The following ATP8A2 variants were observed in gnomAD, a reference collection of about 807,000 sequenced individuals.
ATP8A2 encodes ATPase phospholipid transporting 8A2, also known as phospholipid-transporting ATPase IB.
A neutral mutation model predicts 165.6 loss-of-function variants in ATP8A2; 100 were observed. That is an observed-to-expected ratio of 0.60 (90% CI 0.51 to 0.71). The LOEUF is 0.71. Ranked by LOEUF, ATP8A2 falls within the 30% of genes least tolerant of loss-of-function variation. The pLI is 0.00. For missense variants in ATP8A2, 1,227 were observed against 1,479.5 expected (o/e 0.83, Z 2.80); for synonymous variants, 543 against 548.8 (o/e 0.99, Z 0.15).
chr13:25,990,603 G>A (rs1225074686), intron 35 of ATP8A2, among the ~76,000 whole-genome samples: 1 of 152,216 alleles, frequency 6.6e-6, no homozygotes, highest in African/African-American at 2.4e-5. Context: ...AGCACAGTAG[G>A]AAATAGCGTT....
chr13:25,394,687 A>G (rs1319522147), intron 1 of ATP8A2, among the ~76,000 whole-genome samples: 1 of 152,218 alleles, frequency 6.6e-6, no homozygotes, highest in Non-Finnish European at 1.5e-5. Context: ...GAAGGCAATT[A>G]AGAAACATCA....
rs1352856755 is a variant in ATP8A2, at chr13:25,372,408, G to A, written c.76+120G>A. On this transcript the variant is annotated intron_variant, in intron 1 of 36. Coordinates refer to ENST00000381655, the MANE Select transcript of ATP8A2 (RefSeq NM_016529.6). The surrounding 1 kb of genome is among the most constrained non-coding windows in gnomAD (Gnocchi z 4.8). ...CCGCTCCCCTCCCTGGGCTCCCTGGGCTCTCTGGGCTGCAGGATCCGCCGA... is the reference window on the plus strand; with the variant it reads ...CCGCTCCCCTCCCTGGGCTCCCTGGACTCTCTGGGCTGCAGGATCCGCCGA... The A allele has an allele frequency of 1.7e-5, 12 of 691,710 alleles. No homozygotes were observed. The highest frequency in any genetic ancestry group is 4.1e-5 in the South Asian group (1 of 24,388). 42.8% of individuals were successfully genotyped at this position (691,710 alleles called of 1,614,324 possible).
chr13:25,878,631 G>A (rs549687374), intron 33 of ATP8A2, among the ~76,000 whole-genome samples: 4 of 152,018 alleles, frequency 2.6e-5, no homozygotes, highest in African/African-American at 7.2e-5. Flanking sequence ...ATCTCATCCT[G>A]TGACTTAGAA....
intron 1 of ATP8A2, among the ~76,000 whole-genome samples, chr13:25,424,104 T>C (rs2138114628): frequency 6.6e-6 from 1 of 152,224 alleles, no homozygotes; most frequent in South Asian, 2.1e-4. Context: ...GTGTGGGAAA[T>C]AGAGCTGAGA....
At chr13:25,971,727 C>T (rs528651470) in intron 35 of ATP8A2, among the ~76,000 whole-genome samples, 118 of 152,124 alleles carry the variant, frequency 7.8e-4, no homozygotes, top group African/African-American at 2.8e-3. Context: ...TGACAGTCAC[C>T]GGGCCTCCAG....
intron 1 of ATP8A2, among the ~76,000 whole-genome samples, chr13:25,405,184 C>T (rs1379174345): frequency 6.6e-6 from 1 of 151,954 alleles, no homozygotes; most frequent in Non-Finnish European, 1.5e-5. Context: ...AGGACAGAGG[C>T]CTGATTACAG....
chr13:25,844,181 G>A (rs1322775096), intron 30 of ATP8A2, among the ~76,000 whole-genome samples: 1 of 152,076 alleles, frequency 6.6e-6, no homozygotes, highest in Non-Finnish European at 1.5e-5. Flanking sequence ...CTGACTGGAG[G>A]ACTTGTTTAT....
At chr13:25,607,606 A>C (rs1393091958) in intron 24 of ATP8A2, among the ~76,000 whole-genome samples, 1 of 152,240 alleles carries the variant, frequency 6.6e-6, no homozygotes, top group Non-Finnish European at 1.5e-5. Flanking sequence ...GTTCTTTACC[A>C]AAAGTTTAGT....
intron 24 of ATP8A2, among the ~76,000 whole-genome samples, chr13:25,638,164 G>A (rs960849322): frequency 9.2e-5 from 14 of 152,166 alleles, no homozygotes; most frequent in Admixed American, 6.5e-4. Context: ...GGAAAAAACA[G>A]AGCAGAAAAG....
chr13:25,754,066 T>C (rs2044210466), intron 25 of ATP8A2, among the ~76,000 whole-genome samples: 1 of 152,232 alleles, frequency 6.6e-6, no homozygotes, highest in South Asian at 2.1e-4. Context: ...AGCCCTGCCT[T>C]ATCACTGCGT....
At chr13:25,907,608 T>C (rs1953981480) in intron 33 of ATP8A2, among the ~76,000 whole-genome samples, 1 of 152,170 alleles carries the variant, frequency 6.6e-6, no homozygotes, top group African/African-American at 2.4e-5. Context: ...AAGGGTCCTT[T>C]CAACTGTAAA....
chr13:25,374,805 A>C (rs1252850555), intron 1 of ATP8A2, among the ~76,000 whole-genome samples: 1 of 152,186 alleles, frequency 6.6e-6, no homozygotes, highest in African/African-American at 2.4e-5. Flanking sequence ...ACAGGGGCAG[A>C]GGGCCTGACA....
intron 1 of ATP8A2, among the ~76,000 whole-genome samples, chr13:25,423,275 T>C (rs1386296936): frequency 6.6e-6 from 1 of 152,254 alleles, no homozygotes; most frequent in East Asian, 1.9e-4. Context: ...TTTCTCTTAA[T>C]GTATCTTTGA....
intron 33 of ATP8A2, among the ~76,000 whole-genome samples, chr13:25,876,665 A>G (rs1311744527): frequency 4.6e-5 from 7 of 152,242 alleles, no homozygotes; most frequent in Admixed American, 4.6e-4. Flanking sequence ...TGGGAAAAGT[A>G]ATTCTTAGAA....
At chr13:25,539,668 G>C (rs142375916) in intron 7 of ATP8A2, among the ~76,000 whole-genome samples, 6 of 152,296 alleles carry the variant, frequency 3.9e-5, no homozygotes, top group Non-Finnish European at 8.8e-5. Flanking sequence ...ACCTTAACTA[G>C]TGGTTTTTTA....
intron 25 of ATP8A2, among the ~76,000 whole-genome samples, chr13:25,702,523 G>A (rs1320577391): frequency 6.6e-6 from 1 of 152,176 alleles, no homozygotes; most frequent in Non-Finnish European, 1.5e-5. Flanking sequence ...GTGTAAACTG[G>A]TCCAGTCCAA....
chr13:25,831,530 T>A (rs1951469658), intron 28 of ATP8A2, among the ~76,000 whole-genome samples: 1 of 152,124 alleles, frequency 6.6e-6, no homozygotes, highest in Admixed American at 6.5e-5. Flanking sequence ...CTAATTTTCA[T>A]AACAAGTTAA....
rs1387782463 is a variant in ATP8A2, at chr13:25,682,318, G to C, written c.2212-16855G>C. ...CTCTGCAAACACCTTATAGTTTTGA[G>C]AGATGATAATCAGGCATAAAATCCT... On this transcript the variant is annotated intron_variant, in intron 24 of 36. Transcript: ENST00000381655. Among the ~76,000 whole-genome samples the C allele has an allele frequency of 3.3e-5, 5 of 152,176 alleles. No homozygotes were observed. The East Asian group carries it at 9.7e-4, about 29-fold the overall frequency.
chr13:25,809,788 C>A lies in ATP8A2; in HGVS notation c.2680-18330C>A, dbSNP rs182267270. Among the ~76,000 whole-genome samples, 257 of 152,198 alleles carry A rather than the reference C, an allele frequency of 1.7e-3. No individual in the cohort carries two copies. The Middle Eastern group carries it at 0.027, about 16-fold the overall frequency. ...GGAGACAAGGATCCTATCTGTCTTT[C>A]CCCCTCAATCTCCAGCTCCTGGAGT... On this transcript the variant is annotated intron_variant, in intron 27 of 36. Transcript: ENST00000381655.
Sources: allele counts gnomAD v4.1 joint callset (sites outside exome capture counted in the v4.1 genomes callset), GRCh38; gene constraint gnomAD v4.1.1; non-coding constraint Gnocchi (gnomAD v3.1); transcripts MANE v1.5; gene names NCBI Gene and HGNC (gene_info 2026-07-23, HGNC 2026-07-21).